The following STN1 variants were observed in gnomAD, a reference collection of about 807,000 sequenced individuals.
The protein encoded by STN1 is CST complex subunit STN1.
Under a neutral mutation model 45.5 loss-of-function variants are expected in STN1, and 29 were observed. The ratio of observed to expected loss-of-function variants is 0.64; its 90% confidence interval spans 0.47 to 0.87. The LOEUF (loss-of-function observed/expected upper bound fraction) is 0.87. STN1 is among the 40% of genes least tolerant of loss of function. The pLI, the probability that STN1 is intolerant of heterozygous loss-of-function variation, is 0.00. For missense variants in STN1, 376 were observed against 441.4 expected, an observed-to-expected ratio of 0.85 and a Z score of 1.33; for synonymous variants, 148 against 159.0, an observed-to-expected ratio of 0.93 and a Z score of 0.52.
At position 103,909,420 on chromosome 10, in the gene STN1, A is replaced by ATG. The variant is rs1191621804; in HGVS notation, c.229+1106_229+1107insCA. 4.1e-3 allele frequency among the ~76,000 whole-genome samples: 150 copies of ATG among 36,772 alleles called. 5 individuals carry two copies. The highest frequency in any genetic ancestry group is 0.011 in the South Asian group (12 of 1,122). The allele number at this position is 36,772 out of a possible 152,430, so 24.1% of individuals were successfully genotyped here. On this transcript the variant is annotated intron_variant, in intron 3 of 9. Transcript: ENST00000224950. ...TATGTATATATATGTATATATGTAT[A>ATG]TATGTATATATATGTATATATATGT...
intron 9 of STN1, among the ~76,000 whole-genome samples, chr10:103,887,168 G>A (rs1843108847): frequency 6.6e-6 from 1 of 152,192 alleles, no homozygotes; most frequent in African/African-American, 2.4e-5. Flanking sequence ...ACCTATACAT[G>A]TAACAGCATG....
Position 103,905,136 on chromosome 10 carries a change from TA to T in STN1, c.249del (p.Ile84Ter). On this transcript the variant is annotated frameshift_variant, in exon 4 of 10. Transcript: ENST00000224950. LOFTEE classifies it high-confidence loss of function. ...YSYGVDDSTG[V>X]INCICWKKLN... is the part of the protein sequence containing the mutation. ...AACTTTTTCCAGCAGATGCAGTTTA[TA>T]ACTCCAGTGCTGTCATCCACTGCAA... The T allele has an allele frequency of 6.2e-7, 1 of 1,614,124 alleles. No individual in the cohort carries two copies. Among genetic ancestry groups the T allele is most frequent in the Non-Finnish European group, 8.5e-7 (1 of 1,179,946 alleles).
chr10:103,893,909 C>T lies in STN1; in HGVS notation c.754-1657G>A, dbSNP rs147877983. ...AACCTTGTCATTAGAGCCCCCAAAC[C>T]GACAAACATTCCAGGTTATGACAGC... On this transcript the variant is annotated intron_variant, in intron 7 of 9. Coordinates refer to ENST00000224950, the MANE Select transcript of STN1 (RefSeq NM_024928.5). Among the ~76,000 whole-genome samples, 478 of 152,268 alleles carry T rather than the reference C, an allele frequency of 3.1e-3. 1 individual carries two copies. Among genetic ancestry groups the T allele is most frequent in the African/African-American group, 7.8e-3 (324 of 41,542 alleles).
At chr10:103,916,916 C>T (rs989500565) in intron 2 of STN1, among the ~76,000 whole-genome samples, 1 of 152,074 alleles carries the variant, frequency 6.6e-6, no homozygotes, top group Non-Finnish European at 1.5e-5. Flanking sequence ...CAAAGGTGAA[C>T]AAGACAGATG....
At chr10:103,894,406 A>G (rs1980653) in intron 7 of STN1, among the ~76,000 whole-genome samples, 67,562 of 151,910 alleles carry the variant, frequency 0.44, 15,720 homozygotes, top group Admixed American at 0.5. Flanking sequence ...TGCTAGGCCT[A>G]GGAGATTAAA....
chr10:103,887,671 G>C (rs889537184), intron 9 of STN1, among the ~76,000 whole-genome samples: 2 of 152,190 alleles, frequency 1.3e-5, no homozygotes, highest in African/African-American at 2.4e-5. Context: ...TGATTGGCTA[G>C]TGGCTTTTAG....
At chr10:103,912,631 C>T (rs1793373517) in intron 2 of STN1, among the ~76,000 whole-genome samples, 1 of 152,238 alleles carries the variant, frequency 6.6e-6, no homozygotes, top group African/African-American at 2.4e-5. Flanking sequence ...TGCCTGTGTG[C>T]AGAGCAGGGC....
intron 9 of STN1, among the ~76,000 whole-genome samples, chr10:103,886,633 C>T (rs1208395400): frequency 6.6e-6 from 1 of 152,178 alleles, no homozygotes; most frequent in Non-Finnish European, 1.5e-5. Flanking sequence ...GGTGAGCCTT[C>T]AGGCCTGCAG....
intron 4 of STN1, among the ~76,000 whole-genome samples, chr10:103,904,600 T>C (rs1383128512): frequency 1.3e-5 from 2 of 152,342 alleles, no homozygotes; most frequent in East Asian, 3.9e-4. Flanking sequence ...AATCCTATCT[T>C]ACCTTCTCAG....
intron 9 of STN1, among the ~76,000 whole-genome samples, chr10:103,887,745 A>T (rs1589496253): frequency 1.3e-5 from 2 of 152,296 alleles, no homozygotes; most frequent in Middle Eastern, 6.8e-3. Flanking sequence ...GTAGATGTAG[A>T]TGTTAAACCT....
chr10:103,897,306 T>C (rs1350511527), intron 7 of STN1, among the ~76,000 whole-genome samples: 1 of 70,704 alleles, frequency 1.4e-5, no homozygotes, highest in Middle Eastern at 5.9e-3. Context: ...AGTGAGACTC[T>C]GTCTCCGAAA....
chr10:103,897,756 C>T (rs1843180884), intron 6 of STN1, 37 bp from the exon 7 acceptor site: 1 of 1,604,892 alleles, frequency 6.2e-7, no homozygotes. Flanking sequence ...CTGCAGAAAA[C>T]CATCACCTTT....
chr10:103,917,646 G>A lies in STN1; in HGVS notation c.-52C>T, dbSNP rs1361350660. On this transcript the variant is annotated 5_prime_UTR_variant, in exon 2 of 10. Transcript: ENST00000224950. ...TAACTCTGAAAGGTTCTGCATCACT[G>A]AGTCAAGCATCTAGATGGGACACAG... The A allele has an allele frequency of 2.5e-6, 4 of 1,592,452 alleles. No individual in the cohort carries two copies. The highest frequency in any genetic ancestry group is 1.1e-5 in the South Asian group (1 of 88,866).
intron 9 of STN1, among the ~76,000 whole-genome samples, chr10:103,885,246 A>C (rs1843095955): frequency 2.0e-5 from 3 of 152,194 alleles, no homozygotes; most frequent in Admixed American, 6.5e-5. Flanking sequence ...AAGCCTCTCA[A>C]GGAGGAAGAG....
At chr10:103,914,681 A>C (rs1016948939) in intron 2 of STN1, among the ~76,000 whole-genome samples, 10 of 151,956 alleles carry the variant, frequency 6.6e-5, no homozygotes, top group Non-Finnish European at 1.0e-4. Context: ...AAAAAAACCC[A>C]AAAACAAAAC....
chr10:103,895,271 G>A (rs1843163749), intron 7 of STN1, among the ~76,000 whole-genome samples: 1 of 152,202 alleles, frequency 6.6e-6, no homozygotes, highest in South Asian at 2.1e-4. Flanking sequence ...ATATGCCAAA[G>A]GTTCCCCACA....
rs1843198562 is a variant in STN1 at position 103,900,125 on chromosome 10, T to C, written c.394A>G (p.Ile132Val). 1 of 1,614,098 alleles carries C rather than the reference T, an allele frequency of 6.2e-7. No individual in the cohort carries two copies. The highest frequency in any genetic ancestry group is 1.3e-5 in the African/African-American group (1 of 74,936). ...QKTKIEIGDTIRVRGSIRTYR... is the reference protein window; with the variant it reads ...QKTKIEIGDTVRVRGSIRTYR... ...GTGCGGATACTGCCTCTGACTCGGA[T>C]CGTGTCCCCGATCTCTATCTTTGTT... The change falls in exon 5 of 10, where the codon ATC (isoleucine) becomes GTC (valine). Residue 132 changes from isoleucine (I) to valine (V), a missense_variant. Ile to Val is a conservative substitution (Grantham distance 29). Coordinates refer to ENST00000224950, the MANE Select transcript of STN1 (RefSeq NM_024928.5).
intron 9 of STN1, among the ~76,000 whole-genome samples, chr10:103,885,360 G>A (rs538963868): frequency 1.2e-4 from 18 of 152,166 alleles, no homozygotes; most frequent in Admixed American, 1.2e-3. Flanking sequence ...GTGCTGCTCA[G>A]CTTTTAGTTT....
At chr10:103,889,787 C>T (rs1843127718) in intron 8 of STN1, among the ~76,000 whole-genome samples, 1 of 151,534 alleles carries the variant, frequency 6.6e-6, no homozygotes, top group Non-Finnish European at 1.5e-5. Flanking sequence ...ACTGCAACCT[C>T]CGCCTCCCAG....
Sources: gnomAD v4.1 joint callset for allele counts (sites outside exome capture counted in the v4.1 genomes callset) on GRCh38, gnomAD v4.1.1 for gene constraint, MANE v1.5 for transcripts, NCBI Gene and HGNC (gene_info 2026-07-23, HGNC 2026-07-21) for gene names.